MGMT: variants seen among roughly 807,000 people sequenced by gnomAD.
MGMT encodes O-6-methylguanine-DNA methyltransferase.
A neutral mutation model predicts 15.9 loss-of-function variants in MGMT; 14 were observed. The observed-to-expected ratio is 0.88, with a 90% CI of 0.58 to 1.37. The LOEUF is 1.37. Among genes scored for constraint, MGMT ranks in the 40% most tolerant of loss-of-function variants. The pLI is 0.00. For missense variants in MGMT, 282 were observed against 268.1 expected, an observed-to-expected ratio of 1.05 and a Z score of -0.36; for synonymous variants, 130 against 118.2, an observed-to-expected ratio of 1.10 and a Z score of -0.65.
At chr10:129,707,498 C>T (rs529633740) in intron 2 of MGMT, among the ~76,000 whole-genome samples, 12 of 152,206 alleles carry the variant, frequency 7.9e-5, no homozygotes, top group Non-Finnish European at 1.0e-4. Context: ...TGTGGCCTTG[C>T]GTTGTTGGAC....
chr10:129,494,685 TA>T (rs957404979), intron 1 of MGMT, among the ~76,000 whole-genome samples: 47 of 152,244 alleles, frequency 3.1e-4, no homozygotes, highest in African/African-American at 1.1e-3. Context: ...AATTTAAATT[TA>T]AATAAGTAGC....
intron 2 of MGMT, among the ~76,000 whole-genome samples, chr10:129,631,108 T>A (rs1370851014): frequency 6.6e-6 from 1 of 152,216 alleles, no homozygotes; most frequent in African/African-American, 2.4e-5. Flanking sequence ...AGGTTATGTA[T>A]TTTGTTTCTC....
At chr10:129,632,897 C>T (rs7084824) in intron 2 of MGMT, among the ~76,000 whole-genome samples, 20,863 of 152,170 alleles carry the variant, frequency 0.14, 1,576 homozygotes, top group East Asian at 0.31. Flanking sequence ...TAAAGTATTA[C>T]TTAAATATAT....
chr10:129,738,586 C>T (rs972980403), intron 3 of MGMT, among the ~76,000 whole-genome samples: 2 of 152,222 alleles, frequency 1.3e-5, no homozygotes, highest in Non-Finnish European at 2.9e-5. Context: ...TCCCCATGTG[C>T]CACATTTTCT....
At chr10:129,718,920 T>G (rs1848333543) in intron 3 of MGMT, among the ~76,000 whole-genome samples, 1 of 151,780 alleles carries the variant, frequency 6.6e-6, no homozygotes, top group African/African-American at 2.4e-5. Flanking sequence ...CTAGTTCGTT[T>G]GCCCGCTCAG....
At chr10:129,706,713 C>T (rs1033780437) in intron 2 of MGMT, among the ~76,000 whole-genome samples, 1 of 152,158 alleles carries the variant, frequency 6.6e-6, no homozygotes, top group African/African-American at 2.4e-5. Flanking sequence ...GAAATCACAA[C>T]GGGATGTGTC....
intron 1 of MGMT, among the ~76,000 whole-genome samples, chr10:129,476,631 A>C (rs978973992): frequency 3.3e-5 from 5 of 152,040 alleles, no homozygotes; most frequent in African/African-American, 1.2e-4. Context: ...GTGACTCAGG[A>C]TGCTAGGACC....
intron 2 of MGMT, among the ~76,000 whole-genome samples, chr10:129,633,925 G>A (rs1046089007): frequency 7.2e-5 from 11 of 152,166 alleles, no homozygotes; most frequent in African/African-American, 1.7e-4. Flanking sequence ...TAATGCAGCC[G>A]TGTTCCAATA....
intron 1 of MGMT, among the ~76,000 whole-genome samples, chr10:129,525,684 G>T (rs926872023): frequency 3.9e-5 from 6 of 152,186 alleles, no homozygotes; most frequent in Admixed American, 6.5e-5. Context: ...CCAGGACCCA[G>T]ACCCTGGAAG....
chr10:129,582,478 G>A (rs1175527870), intron 2 of MGMT, among the ~76,000 whole-genome samples: 1 of 152,164 alleles, frequency 6.6e-6, no homozygotes, highest in Non-Finnish European at 1.5e-5. Context: ...TTAATTGTGT[G>A]CCTTTTAAAC....
In MGMT at chr10:129,613,378, G is replaced by A. The variant is rs779370420; in HGVS notation, c.125+77001G>A. Among the ~76,000 whole-genome samples the A allele has an allele frequency of 2.0e-4, 31 of 152,142 alleles. 1 individual carries two copies. The highest frequency in any genetic ancestry group is 3.7e-4 in the Non-Finnish European group (25 of 68,014). On this transcript the variant is annotated intron_variant, in intron 2 of 4. Coordinates refer to ENST00000651593, the MANE Select transcript of MGMT (RefSeq NM_002412.5). The stretch of plus-strand genomic sequence containing the variant: ...GATTTGAATATCACATGCTTGGTCC[G>A]GGCACTTAGGTGGGCTTCAGTGATT...
chr10:129,511,041 C>G (rs551045465), intron 1 of MGMT, among the ~76,000 whole-genome samples: 41 of 148,384 alleles, frequency 2.8e-4, no homozygotes, highest in East Asian at 4.0e-4. Context: ...AACCCGTATA[C>G]CAGATGCAGC....
intron 2 of MGMT, among the ~76,000 whole-genome samples, chr10:129,699,742 C>CA (rs1382163895): frequency 6.6e-6 from 1 of 152,160 alleles, no homozygotes; most frequent in Non-Finnish European, 1.5e-5. Flanking sequence ...AGCCCTCCTG[C>CA]AAGCACTCAT....
At chr10:129,746,254 AAC>A (rs1233197431) in intron 3 of MGMT, among the ~76,000 whole-genome samples, 2 of 147,642 alleles carry the variant, frequency 1.4e-5, no homozygotes, top group African/African-American at 5.2e-5. Context: ...AAAAAAAAAA[AAC>A]AAACAAAAAA....
intron 1 of MGMT, among the ~76,000 whole-genome samples, chr10:129,488,218 T>C (rs1006996003): frequency 1.3e-5 from 2 of 152,098 alleles, no homozygotes; most frequent in African/African-American, 4.8e-5. Flanking sequence ...CCCCAGTCAG[T>C]TAATCCACCT....
chr10:129,575,093 T>C (rs542077137), intron 2 of MGMT, among the ~76,000 whole-genome samples: 2 of 152,254 alleles, frequency 1.3e-5, no homozygotes, highest in African/African-American at 4.8e-5. Flanking sequence ...TGGGAGACTT[T>C]AACACCCCAC....
intron 1 of MGMT, among the ~76,000 whole-genome samples, chr10:129,472,398 A>G (rs1181191863): frequency 6.6e-6 from 1 of 152,130 alleles, no homozygotes; most frequent in Non-Finnish European, 1.5e-5. Context: ...CTACATGGAT[A>G]GAAATTTTAA....
At chr10:129,472,774 G>A (rs991311029) in intron 1 of MGMT, among the ~76,000 whole-genome samples, 5 of 152,186 alleles carry the variant, frequency 3.3e-5, no homozygotes, top group South Asian at 2.1e-4. Flanking sequence ...TTTGGTGGAG[G>A]CAGGACTGGA....
chr10:129,626,637 C>G (rs1847153025), intron 2 of MGMT, among the ~76,000 whole-genome samples: 1 of 152,144 alleles, frequency 6.6e-6, no homozygotes. Context: ...TGCCCAGGGC[C>G]GTGCTCTCCG....
Sources: gnomAD v4.1 joint callset for allele counts (sites outside exome capture counted in the v4.1 genomes callset) on GRCh38, gnomAD v4.1.1 for gene constraint, MANE v1.5 for transcripts, NCBI Gene and HGNC (gene_info 2026-07-23, HGNC 2026-07-21) for gene names.